Variants in POLR1D observed in about 807,000 individuals in gnomAD.
POLR1D encodes the protein RNA polymerase I and III subunit D.
POLR1D carries 8 observed loss-of-function variants against 10.8 expected under a neutral mutation model. The ratio of observed to expected loss-of-function variants is 0.74; its 90% CI spans 0.43 to 1.33. The LOEUF (loss-of-function observed/expected upper bound fraction) is 1.33. Among genes scored for constraint, POLR1D ranks in the 40% most tolerant of loss-of-function variants. The pLI is 0.01. For synonymous variants in POLR1D, 54 were observed against 57.2 expected (o/e 0.94, Z 0.25); for missense variants, 152 against 161.7 (o/e 0.94, Z 0.32).
chr13:27,623,975 C>G (rs1188760808), downstream of POLR1D, among the ~76,000 whole-genome samples: 1 of 152,130 alleles, frequency 6.6e-6, no homozygotes, highest in African/African-American at 2.4e-5. Context: ...AAAACATTTT[C>G]AGTCCTTAAG....
At chr13:27,655,453 C>A (rs907368183) in intron 2 of POLR1D, among the ~76,000 whole-genome samples, 6 of 152,006 alleles carry the variant, frequency 3.9e-5, no homozygotes, top group Admixed American at 3.9e-4. Flanking sequence ...ATAGTGGTTG[C>A]CTTTTGTTTG....
chr13:27,622,638 A>G (rs1040941573), intron 1 of POLR1D, among the ~76,000 whole-genome samples: 2 of 152,166 alleles, frequency 1.3e-5, no homozygotes, highest in African/African-American at 4.8e-5. Flanking sequence ...TGTTTTTCTA[A>G]GAAAACTCCC....
At chr13:27,652,888 G>A (rs1593290894) in intron 2 of POLR1D, among the ~76,000 whole-genome samples, 1 of 137,972 alleles carries the variant, frequency 7.2e-6, no homozygotes, top group African/African-American at 2.7e-5. Flanking sequence ...AAGAAAACTT[G>A]CCAGAAGTTG....
intron 1 of POLR1D, among the ~76,000 whole-genome samples, chr13:27,629,904 ATTT>A (rs1215841254): frequency 1.3e-5 from 2 of 151,588 alleles, no homozygotes; most frequent in Non-Finnish European, 2.9e-5. Context: ...AAAAGACTTT[ATTT>A]ATTTATTTAT....
intron 1 of POLR1D, among the ~76,000 whole-genome samples, chr13:27,635,430 C>G (rs1413464292): frequency 6.6e-6 from 1 of 151,942 alleles, no homozygotes; most frequent in Non-Finnish European, 1.5e-5. Context: ...CAGCTGTTCC[C>G]CTTACTGGTT....
intron 1 of POLR1D, among the ~76,000 whole-genome samples, chr13:27,635,103 A>C (rs1321529470): frequency 6.6e-6 from 1 of 152,196 alleles, no homozygotes; most frequent in African/African-American, 2.4e-5. Context: ...TAGCTGAAAC[A>C]TGCTGGCAAT....
chr13:27,649,798 T>C (rs760223598), intron 2 of POLR1D, among the ~76,000 whole-genome samples: 1 of 152,208 alleles, frequency 6.6e-6, no homozygotes, highest in East Asian at 1.9e-4. Flanking sequence ...AACTGTGTTA[T>C]GTAAATACCA....
rs1956382077 is a variant in POLR1D at position 27,663,240 on chromosome 13, A to G, written c.102-2446A>G. 6.6e-6 allele frequency among the ~76,000 whole-genome samples: 1 copy of G among 151,512 alleles called. No homozygotes were observed. The highest frequency in any genetic ancestry group is 2.1e-4 in the South Asian group (1 of 4,778). ...TGCCCTATTTATTAGTAGAGTGTGAATGAGCACTTGTCATCACTTCTAAAA... is the reference window on the plus strand; with the variant it reads ...TGCCCTATTTATTAGTAGAGTGTGAGTGAGCACTTGTCATCACTTCTAAAA... On this transcript the variant is annotated intron_variant, in intron 2 of 2. Transcript: ENST00000399697. This position sits in a 1 kb window ranked among gnomAD's most constrained non-coding sequence, Gnocchi z 4.1.
chr13:27,623,694 G>T (rs1419937489), downstream of POLR1D, among the ~76,000 whole-genome samples: 3 of 152,152 alleles, frequency 2.0e-5, no homozygotes, highest in Non-Finnish European at 4.4e-5. Flanking sequence ...GAAGATTGGG[G>T]TGGGGACTTG....
chr13:27,621,753 G>A (rs559591760), upstream of POLR1D: 134 of 358,444 alleles, frequency 3.7e-4, no homozygotes, highest in African/African-American at 2.7e-3. Flanking sequence ...GTGAGCCGCG[G>A]GGCCGCGAGC....
At chr13:27,625,257 T>C (rs1955997212), downstream of POLR1D, among the ~76,000 whole-genome samples, 1 of 152,070 alleles carries the variant, frequency 6.6e-6, no homozygotes, top group Non-Finnish European at 1.5e-5. Context: ...CTTCTTTACT[T>C]TGATTACAGA....
At chr13:27,661,879 T>G (rs940664942) in intron 2 of POLR1D, among the ~76,000 whole-genome samples, 1 of 152,126 alleles carries the variant, frequency 6.6e-6, no homozygotes, top group Non-Finnish European at 1.5e-5. Flanking sequence ...TGTGGAACAG[T>G]TGGAAATACA....
At chr13:27,656,582 A>G (rs1956310038) in intron 2 of POLR1D, among the ~76,000 whole-genome samples, 1 of 152,202 alleles carries the variant, frequency 6.6e-6, no homozygotes, top group African/African-American at 2.4e-5. Context: ...TTTCACCATT[A>G]GATTGGCAGA....
At chr13:27,635,696 CTA>C (rs3081355) in intron 1 of POLR1D, among the ~76,000 whole-genome samples, 5,742 of 140,404 alleles carry the variant, frequency 0.041, 180 homozygotes, top group African/African-American at 0.093. Flanking sequence ...TACAAAGTAA[CTA>C]TATATATATA....
chr13:27,665,506 CTT>C, intron 2 of POLR1D: 1 of 616,228 alleles, frequency 1.6e-6, no homozygotes, highest in Non-Finnish European at 2.9e-6. Context: ...TTCCAATCGT[CTT>C]TTTTTTTCCT....
intron 1 of POLR1D, among the ~76,000 whole-genome samples, chr13:27,639,796 G>T (rs909939923): frequency 3.9e-5 from 6 of 152,208 alleles, no homozygotes; most frequent in African/African-American, 1.4e-4. Flanking sequence ...AAGTCCAGGT[G>T]AGGGGACTTG....
At chr13:27,621,837 C>T (rs1378700652), upstream of POLR1D, 2 of 803,510 alleles carry the variant, frequency 2.5e-6, no homozygotes, top group East Asian at 2.8e-5. Flanking sequence ...GGCCCTGCCG[C>T]GCCGCTGCGG....
exon 3 of POLR1D, chr13:27,665,982 G>A (rs1453954405): frequency 6.2e-7 from 1 of 1,609,650 alleles, no homozygotes; most frequent in Middle Eastern, 1.7e-4. Flanking sequence ...CCAGCCCTGC[G>A]GGCCTCCGTG....
downstream of POLR1D, among the ~76,000 whole-genome samples, chr13:27,625,301 AG>A (rs1209885975): frequency 6.6e-6 from 1 of 152,146 alleles, no homozygotes; most frequent in Non-Finnish European, 1.5e-5. Context: ...AGGCTGGAGT[AG>A]AAGCAGAGAG....
Sources: allele counts gnomAD v4.1 joint callset (sites outside exome capture counted in the v4.1 genomes callset), GRCh38; gene constraint gnomAD v4.1.1; non-coding constraint Gnocchi (gnomAD v3.1); transcripts MANE v1.5; gene names NCBI Gene and HGNC (gene_info 2026-07-23, HGNC 2026-07-21).